The following KMT5B variants were observed in gnomAD, a reference collection of about 807,000 sequenced individuals.
The protein encoded by KMT5B is lysine methyltransferase 5B, also known as histone-lysine N-methyltransferase KMT5B.
In KMT5B, 10 loss-of-function variants were observed where a neutral mutation model predicts 83.2. That is an observed-to-expected ratio of 0.12 (90% CI 0.07 to 0.20). The LOEUF (loss-of-function observed/expected upper bound fraction) is 0.20. Ranked by LOEUF, KMT5B falls within the 10% of genes least tolerant of loss-of-function variation. The probability of loss-of-function intolerance (pLI) is 1.00; values close to 1 mark genes in which losing one functional copy is unlikely to be tolerated. For missense variants in KMT5B, 753 were observed against 1,067.2 expected (o/e 0.71, Z 4.10); for synonymous variants, 349 against 388.8 (o/e 0.90, Z 1.20).
chr11:68,197,217 C>T (rs1016275710), intron 1 of KMT5B, among the ~76,000 whole-genome samples: 2 of 152,110 alleles, frequency 1.3e-5, no homozygotes, highest in African/African-American at 4.8e-5. Flanking sequence ...TCATGATCTG[C>T]CTGTCTCGGC....
intron 2 of KMT5B, among the ~76,000 whole-genome samples, chr11:68,189,317 C>T (rs2153071595): frequency 1.3e-5 from 2 of 152,324 alleles, no homozygotes; most frequent in East Asian, 1.9e-4. Context: ...TCTACAACTT[C>T]CTGAACTCTC....
chr11:68,168,616 G>A (rs187497538), intron 9 of KMT5B, among the ~76,000 whole-genome samples: 16 of 152,342 alleles, frequency 1.1e-4, no homozygotes, highest in African/African-American at 3.6e-4. Flanking sequence ...GATTATAGGC[G>A]TGAGTCACAC....
chr11:68,164,790 C>T, intron 10 of KMT5B: 2 of 455,996 alleles, frequency 4.4e-6, no homozygotes, highest in South Asian at 3.1e-5. Flanking sequence ...TTATTCAGTC[C>T]CTCTGAACTT....
In KMT5B at chr11:68,155,255, C is replaced by T. The variant is rs561280026; in HGVS notation, c.*2433G>A. 38 of 152,250 alleles carry T rather than the reference C, an allele frequency of 2.5e-4. No individual in the cohort carries two copies. Among genetic ancestry groups the T allele is most frequent in the African/African-American group, 6.3e-4 (26 of 41,560 alleles). 9.4% of individuals were successfully genotyped at this position (152,250 alleles called of 1,614,324 possible). On this transcript the variant is annotated 3_prime_UTR_variant, in exon 11 of 11. Transcript: ENST00000304363. ...ACACGGTGAAGTTCTACAGCAGATC[C>T]GGAACAGTTCCGAGGCCCCTACCTT... is the stretch of plus-strand genomic sequence containing the variant.
At chr11:68,176,698 T>C (rs1437088240) in intron 4 of KMT5B, 1 of 152,122 alleles carries the variant, frequency 6.6e-6, no homozygotes, top group African/African-American at 2.4e-5. Flanking sequence ...GGCAGGGGAA[T>C]TGCTTGAACT....
intron 2 of KMT5B, 55 bp from the exon 3 acceptor site, chr11:68,185,983 C>T: frequency 6.7e-7 from 1 of 1,500,682 alleles, no homozygotes; most frequent in African/African-American, 1.4e-5. Flanking sequence ...CTTAAATCTG[C>T]CTTAAAATCT....
At chr11:68,208,301 G>C (rs1860431635) in intron 1 of KMT5B, among the ~76,000 whole-genome samples, 3 of 134,966 alleles carry the variant, frequency 2.2e-5, no homozygotes, top group African/African-American at 7.5e-5. Context: ...ACAAAAGTTA[G>C]CTAGGCGTGG....
chr11:68,193,758 C>G (rs1405420270), intron 1 of KMT5B, among the ~76,000 whole-genome samples: 35 of 151,434 alleles, frequency 2.3e-4, no homozygotes, highest in Admixed American at 2.3e-3. Flanking sequence ...GATCATATAT[C>G]TTACACTTAG....
chr11:68,169,170 T>C (rs1030824930), intron 9 of KMT5B, among the ~76,000 whole-genome samples: 1 of 152,080 alleles, frequency 6.6e-6, no homozygotes, highest in African/African-American at 2.4e-5. Context: ...CCTTGTGGAG[T>C]AGGTGGGATT....
At chr11:68,195,637 C>T (rs1445222995) in intron 1 of KMT5B, among the ~76,000 whole-genome samples, 1 of 152,180 alleles carries the variant, frequency 6.6e-6, no homozygotes, top group Admixed American at 6.5e-5. Flanking sequence ...TTCTAAGGAG[C>T]AAGACTGTAA....
chr11:68,213,125 T>TC lies in KMT5B; in HGVS notation c.-77+12dup, dbSNP rs1281607153. On this transcript the variant is annotated intron_variant, in intron 1 of 10. Transcript: ENST00000304363. ...GCACACCCTCGCCGGCGCCCGCCCC[T>TC]CCCCCGACTCACCGCCTGCGCCGCC... 1 of 8,762 alleles carries TC rather than the reference T, an allele frequency of 1.1e-4. No homozygotes were observed. The highest frequency in any genetic ancestry group is 4.1e-4 in the African/African-American group (1 of 2,410). 0.5% of individuals were successfully genotyped at this position (8,762 alleles called of 1,614,324 possible). A position where few individuals can be genotyped will look rare whatever the true frequency, so the allele number is the denominator to read the frequency against.
chr11:68,195,215 T>C (rs1223382386), intron 1 of KMT5B, among the ~76,000 whole-genome samples: 3 of 152,118 alleles, frequency 2.0e-5, no homozygotes, highest in Admixed American at 6.6e-5. Context: ...TATTTTATAT[T>C]TCAAGTTAGA....
At chr11:68,164,704 C>G (rs1157477002) in intron 10 of KMT5B, 1 of 510,920 alleles carries the variant, frequency 2.0e-6, no homozygotes, top group African/African-American at 1.9e-5. Flanking sequence ...TTGAATAAGC[C>G]AAGCACCCCA....
At chr11:68,207,923 T>C (rs1860365368) in intron 1 of KMT5B, among the ~76,000 whole-genome samples, 1 of 150,534 alleles carries the variant, frequency 6.6e-6, no homozygotes, top group Admixed American at 6.6e-5. Flanking sequence ...CACTGCAACC[T>C]CTGCCTCCCA....
intron 1 of KMT5B, among the ~76,000 whole-genome samples, chr11:68,197,044 C>T (rs758162768): frequency 6.6e-5 from 10 of 151,768 alleles, no homozygotes; most frequent in Non-Finnish European, 1.2e-4. Flanking sequence ...AAACTCGGCT[C>T]ACTACAACCT....
intron 10 of KMT5B, among the ~76,000 whole-genome samples, chr11:68,161,608 A>AACCCAGCACACACT (rs1197624156): frequency 2.6e-5 from 4 of 152,152 alleles, no homozygotes; most frequent in African/African-American, 9.7e-5. Flanking sequence ...CTTGTCGTCA[A>AACCCAGCACACACT]ACCCAGCACA....
At position 68,156,689 on chromosome 11, in the gene KMT5B, T is replaced by C. The variant is rs544822585; in HGVS notation, c.*999A>G. On this transcript the variant is annotated 3_prime_UTR_variant, in exon 11 of 11. Transcript: ENST00000304363. ...TATACATTGTTTTCAGTTCTTTACATTGAATCTCAAAGACAAACTTTTTTT... is the reference window on the plus strand; with the variant it reads ...TATACATTGTTTTCAGTTCTTTACACTGAATCTCAAAGACAAACTTTTTTT... 9.2e-5 allele frequency: 14 copies of C among 152,768 alleles called. No individual in the cohort carries two copies. The highest frequency in any genetic ancestry group is 1.5e-4 in the Non-Finnish European group (10 of 68,028). 9.5% of individuals were successfully genotyped at this position (152,768 alleles called of 1,614,324 possible).
intron 9 of KMT5B, among the ~76,000 whole-genome samples, chr11:68,169,245 T>C (rs1484063067): frequency 6.6e-6 from 1 of 152,210 alleles, no homozygotes; most frequent in Non-Finnish European, 1.5e-5. Flanking sequence ...TCAAGGAAAA[T>C]GACTATACCT....
At chr11:68,163,965 G>A (rs1363068730) in intron 10 of KMT5B, among the ~76,000 whole-genome samples, 1 of 152,134 alleles carries the variant, frequency 6.6e-6, no homozygotes, top group African/African-American at 2.4e-5. Context: ...GGCACCTGCA[G>A]AGACCCGTGT....
Sources: gnomAD v4.1 joint callset for allele counts (sites outside exome capture counted in the v4.1 genomes callset) on GRCh38, gnomAD v4.1.1 for gene constraint, MANE v1.5 for transcripts, NCBI Gene and HGNC (gene_info 2026-07-23, HGNC 2026-07-21) for gene names.